The following DRC1 variants were observed in gnomAD, a reference collection of about 807,000 sequenced individuals.
DRC1 encodes the protein dynein regulatory complex protein 1.
Under a neutral mutation model 98.7 loss-of-function variants are expected in DRC1, and 74 were observed. The observed-to-expected ratio is 0.75, with a 90% CI of 0.62 to 0.91. The LOEUF (loss-of-function observed/expected upper bound fraction) is 0.91. Ranked by LOEUF, DRC1 falls within the 40% of genes least tolerant of loss-of-function variation. The probability of loss-of-function intolerance (pLI) is 0.00; values close to 1 mark genes in which losing one functional copy is unlikely to be tolerated. For synonymous variants in DRC1, 336 were observed against 334.1 expected (o/e 1.01, Z -0.06); for missense variants, 875 against 886.0 (o/e 0.99, Z 0.16).
chr2:26,402,456 T>C (rs1299827497), intron 1 of DRC1, among the ~76,000 whole-genome samples: 1 of 152,178 alleles, frequency 6.6e-6, no homozygotes, highest in Non-Finnish European at 1.5e-5. Context: ...TCTTTTCCAC[T>C]ACGGACACCT....
intron 1 of DRC1, among the ~76,000 whole-genome samples, chr2:26,405,218 T>C (rs964398826): frequency 2.6e-5 from 4 of 152,200 alleles, no homozygotes; most frequent in Non-Finnish European, 5.9e-5. Context: ...ATGAGTTGTA[T>C]TCTTGTTGGC....
intron 11 of DRC1, among the ~76,000 whole-genome samples, chr2:26,449,745 G>A (rs1164683877): frequency 1.3e-5 from 2 of 152,206 alleles, no homozygotes; most frequent in African/African-American, 4.8e-5. Context: ...CCTTCTGGGT[G>A]GGAAAAGCTA....
intron 7 of DRC1, 26 bp from the exon 8 acceptor site, chr2:26,440,352 T>C: frequency 1.3e-6 from 2 of 1,578,740 alleles, no homozygotes; most frequent in African/African-American, 1.4e-5. Context: ...TGTGTATATA[T>C]ATATATATAG....
In DRC1 at chr2:26,421,420, G is replaced by A; in HGVS notation, c.356+20G>A. The A allele has an allele frequency of 6.2e-7, 1 of 1,602,376 alleles. No individual in the cohort carries two copies. Among genetic ancestry groups the A allele is most frequent in the Non-Finnish European group, 8.5e-7 (1 of 1,171,386 alleles). Reference sequence around the variant, plus strand: ...TCAAAGGTAAGGACTGTGCTACTCTGCAGCTGGTGGACATGAAGGTAATCT... The same window carrying A: ...TCAAAGGTAAGGACTGTGCTACTCTACAGCTGGTGGACATGAAGGTAATCT... On this transcript the variant is annotated intron_variant, in intron 3 of 16. Coordinates refer to ENST00000288710, the MANE Select transcript of DRC1 (RefSeq NM_145038.5).
intron 7 of DRC1, among the ~76,000 whole-genome samples, chr2:26,436,881 G>A (rs898423232): frequency 3.3e-5 from 5 of 152,102 alleles, no homozygotes; most frequent in East Asian, 1.9e-4. Flanking sequence ...GTCAGTTCCC[G>A]GGAAGACAGA....
At chr2:26,418,264 T>G (rs970999735) in intron 2 of DRC1, among the ~76,000 whole-genome samples, 100 of 151,860 alleles carry the variant, frequency 6.6e-4, no homozygotes, top group African/African-American at 2.4e-3. Flanking sequence ...GAGGCCAATG[T>G]TATGCAACCC....
intron 4 of DRC1, among the ~76,000 whole-genome samples, chr2:26,426,393 G>A (rs544492115): frequency 1.3e-5 from 2 of 148,582 alleles, no homozygotes; most frequent in African/African-American, 5.0e-5. Flanking sequence ...TTGAGACTGA[G>A]TCTTGCTCTG....
intron 1 of DRC1, among the ~76,000 whole-genome samples, chr2:26,406,068 C>G (rs1048886024): frequency 1.3e-5 from 2 of 152,006 alleles, no homozygotes; most frequent in South Asian, 4.1e-4. Flanking sequence ...TGAGTCTGTG[C>G]GAGCCTGGAA....
intron 1 of DRC1, among the ~76,000 whole-genome samples, chr2:26,405,237 C>T (rs188375490): frequency 2.2e-4 from 34 of 152,264 alleles, no homozygotes; most frequent in Non-Finnish European, 2.9e-5. Context: ...GCTGCCCTTT[C>T]GTTTTGCACC....
chr2:26,404,518 T>A (rs1678358173), intron 1 of DRC1, among the ~76,000 whole-genome samples: 1 of 152,158 alleles, frequency 6.6e-6, no homozygotes, highest in Non-Finnish European at 1.5e-5. Flanking sequence ...TAGTTGACAG[T>A]CACTTTCTAG....
chr2:26,416,142 A>G (rs895643035), intron 2 of DRC1, among the ~76,000 whole-genome samples: 1 of 152,168 alleles, frequency 6.6e-6, no homozygotes, highest in Non-Finnish European at 1.5e-5. Context: ...CTTGGCATCA[A>G]GGAGAAATGT....
intron 8 of DRC1, among the ~76,000 whole-genome samples, chr2:26,442,968 A>G (rs1484011787): frequency 6.6e-6 from 1 of 152,160 alleles, no homozygotes; most frequent in Non-Finnish European, 1.5e-5. Context: ...ACTGCATGAC[A>G]TTGGGAAAAA....
intron 11 of DRC1, 72 bp downstream of exon 11, chr2:26,448,875 G>A: frequency 6.7e-7 from 1 of 1,499,150 alleles, no homozygotes; most frequent in South Asian, 1.1e-5. Context: ...TGCTGGGCCA[G>A]TGCTAGCCTG....
chr2:26,446,212 T>G (rs1165987870), intron 10 of DRC1, among the ~76,000 whole-genome samples: 1 of 147,576 alleles, frequency 6.8e-6, no homozygotes, highest in Non-Finnish European at 1.5e-5. Flanking sequence ...TCCTCCCACC[T>G]CTGCCTCCCG....
intron 4 of DRC1, among the ~76,000 whole-genome samples, chr2:26,427,524 T>C (rs1170991566): frequency 1.3e-5 from 2 of 152,178 alleles, no homozygotes; most frequent in Admixed American, 1.3e-4. Flanking sequence ...CACATTGGGG[T>C]AAATGGGGTA....
intron 10 of DRC1, 135 bp downstream of exon 10, chr2:26,445,083 C>T (rs1663819620): frequency 2.1e-6 from 2 of 964,128 alleles, no homozygotes; most frequent in East Asian, 2.6e-5. Context: ...TAAGTCTCCT[C>T]TAATTTATAG....
chr2:26,430,959 T>A, intron 6 of DRC1, 87 bp downstream of exon 6: 74 of 305,510 alleles, frequency 2.4e-4, no homozygotes, highest in South Asian at 4.3e-4. Context: ...TTTTTCTATC[T>A]TTTTTTTTTT....
At chr2:26,455,279 G>A (rs927670542) in intron 16 of DRC1, 46 bp downstream of exon 16, 1 of 1,573,322 alleles carries the variant, frequency 6.4e-7, no homozygotes, top group Admixed American at 1.7e-5. Context: ...AGACACGGGT[G>A]GGGCAGGGGC....
chr2:26,417,036 AACTC>A (rs1377144240), intron 2 of DRC1, among the ~76,000 whole-genome samples: 1 of 152,096 alleles, frequency 6.6e-6, no homozygotes, highest in East Asian at 1.9e-4. Flanking sequence ...ATCTCACGAG[AACTC>A]ACTCACTATC....
Sources: gnomAD v4.1 joint callset for allele counts (sites outside exome capture counted in the v4.1 genomes callset) on GRCh38, gnomAD v4.1.1 for gene constraint, MANE v1.5 for transcripts, NCBI Gene and HGNC (gene_info 2026-07-23, HGNC 2026-07-21) for gene names.